SPECC1: variants seen among roughly 807,000 people sequenced by gnomAD.
SPECC1 encodes the protein cytospin-B.
SPECC1 carries 62 observed loss-of-function variants against 104.1 expected under a neutral mutation model. That is an observed-to-expected ratio of 0.60 (90% confidence interval 0.49 to 0.74). The LOEUF (loss-of-function observed/expected upper bound fraction) is 0.74. Among genes scored for constraint, SPECC1 ranks in the 30% least tolerant of loss-of-function variants. The pLI, the probability that SPECC1 is intolerant of heterozygous loss-of-function variation, is 0.00. For missense variants in SPECC1, 1,306 were observed against 1,310.5 expected, an observed-to-expected ratio of 1.00 and a Z score of 0.05; for synonymous variants, 513 against 501.6, an observed-to-expected ratio of 1.02 and a Z score of -0.30.
intron 4 of SPECC1, among the ~76,000 whole-genome samples, chr17:20,215,828 A>G (rs956073724): frequency 6.6e-6 from 1 of 152,198 alleles, no homozygotes; most frequent in Non-Finnish European, 1.5e-5. Context: ...TACAGTCTCT[A>G]TTCTTATGGC....
At chr17:20,240,295 T>G (rs1449844231) in intron 7 of SPECC1, among the ~76,000 whole-genome samples, 1 of 151,916 alleles carries the variant, frequency 6.6e-6, no homozygotes, top group African/African-American at 2.4e-5. Context: ...AACTTTTCCC[T>G]GCTTTTTCAC....
At chr17:20,214,341 ATTTTTC>A (rs745653472) in intron 4 of SPECC1, among the ~76,000 whole-genome samples, 11 of 152,026 alleles carry the variant, frequency 7.2e-5, no homozygotes, top group Non-Finnish European at 1.6e-4. Context: ...GAATTTAGTT[ATTTTTC>A]TTTGGTGGTT....
chr17:20,294,683 G>A (rs926143919), intron 12 of SPECC1, among the ~76,000 whole-genome samples: 1 of 78,674 alleles, frequency 1.3e-5, no homozygotes, highest in African/African-American at 3.7e-5. Context: ...TGGTGGGGAT[G>A]ATGGTCATGG....
At chr17:20,075,183 G>A (rs1029214894) in intron 1 of SPECC1, among the ~76,000 whole-genome samples, 9 of 152,288 alleles carry the variant, frequency 5.9e-5, no homozygotes, top group East Asian at 3.9e-4. Context: ...GATTATAGGC[G>A]TGAGCCCCCA....
At chr17:20,150,306 G>A (rs1212124833) in intron 3 of SPECC1, among the ~76,000 whole-genome samples, 2 of 147,604 alleles carry the variant, frequency 1.4e-5, no homozygotes, top group Non-Finnish European at 1.5e-5. Flanking sequence ...TTTTTGGGAC[G>A]GAGTCTCAGC....
At chr17:20,207,362 G>A (rs2036856241) in intron 4 of SPECC1, among the ~76,000 whole-genome samples, 1 of 152,190 alleles carries the variant, frequency 6.6e-6, no homozygotes. Context: ...AAGTACGGAA[G>A]TAATTCCATT....
intron 1 of SPECC1, chr17:20,067,141 C>G (rs180711427): frequency 7.2e-5 from 11 of 152,120 alleles, no homozygotes; most frequent in African/African-American, 2.6e-4. Context: ...ATTAAAATTT[C>G]CTATCATTCC....
At chr17:20,057,283 T>A (rs548997064) in intron 1 of SPECC1, among the ~76,000 whole-genome samples, 1 of 151,936 alleles carries the variant, frequency 6.6e-6, no homozygotes, top group East Asian at 1.9e-4. Flanking sequence ...CTACTAAAAA[T>A]GCAAAAAAGT....
chr17:20,108,542 T>C (rs1170170762), intron 2 of SPECC1, among the ~76,000 whole-genome samples: 1 of 152,202 alleles, frequency 6.6e-6, no homozygotes, highest in Non-Finnish European at 1.5e-5. Flanking sequence ...CATCATTTGA[T>C]TGTGCAGCTT....
intron 2 of SPECC1, among the ~76,000 whole-genome samples, chr17:20,104,808 C>G (rs971631599): frequency 2.0e-5 from 3 of 149,742 alleles, no homozygotes; most frequent in African/African-American, 7.4e-5. Flanking sequence ...ACTGAGCTAC[C>G]AGATCCAAAC....
intron 1 of SPECC1, among the ~76,000 whole-genome samples, chr17:20,088,682 T>G (rs930707882): frequency 2.4e-4 from 36 of 152,190 alleles, no homozygotes; most frequent in African/African-American, 7.7e-4. Flanking sequence ...TTGGCTACGC[T>G]GCAGGGTAAG....
chr17:20,279,675 T>C (rs1315009705), intron 12 of SPECC1, among the ~76,000 whole-genome samples: 1 of 152,220 alleles, frequency 6.6e-6, no homozygotes, highest in South Asian at 2.1e-4. Context: ...CAAAATTCCT[T>C]ATAATCAATT....
At chr17:20,028,708 C>G (rs2044695566) in intron 1 of SPECC1, among the ~76,000 whole-genome samples, 2 of 150,994 alleles carry the variant, frequency 1.3e-5, no homozygotes, top group East Asian at 3.9e-4. Flanking sequence ...TCTTGCAATT[C>G]CATGTGAATT....
At chr17:20,192,033 C>T (rs1158034114) in intron 3 of SPECC1, among the ~76,000 whole-genome samples, 1 of 152,052 alleles carries the variant, frequency 6.6e-6, no homozygotes, top group African/African-American at 2.4e-5. Flanking sequence ...ACCTCCTGGG[C>T]TCAAGTGATC....
At chr17:20,267,733 C>G (rs1226174803) in intron 12 of SPECC1, among the ~76,000 whole-genome samples, 2 of 152,140 alleles carry the variant, frequency 1.3e-5, no homozygotes. Flanking sequence ...GAGGTCCTGG[C>G]CGTGCCCAGA....
chr17:20,066,563 T>A (rs940092373), intron 1 of SPECC1, among the ~76,000 whole-genome samples: 3 of 152,204 alleles, frequency 2.0e-5, no homozygotes, highest in African/African-American at 7.2e-5. Flanking sequence ...GTTGGTCATC[T>A]TACTCTGTTT....
chr17:20,303,500 G>A (rs2041659575), intron 13 of SPECC1, among the ~76,000 whole-genome samples: 2 of 152,190 alleles, frequency 1.3e-5, no homozygotes, highest in South Asian at 2.1e-4. Context: ...GTGACCTGGT[G>A]CCTAGAGTTT....
Position 20,174,612 on chromosome 17 carries a change from C to G in SPECC1, c.284-29721C>G, listed in dbSNP as rs535827406. ...CAGGTGGTCACATCAGTCTCTCCCCCCCATCAGTCTTGGAGGGGAGTCTGC... is the reference window on the plus strand; with the variant it reads ...CAGGTGGTCACATCAGTCTCTCCCCGCCATCAGTCTTGGAGGGGAGTCTGC... On this transcript the variant is annotated intron_variant, in intron 3 of 14. Coordinates refer to ENST00000395527, the MANE Select transcript of SPECC1 (RefSeq NM_001243439.2). 8.5e-5 allele frequency among the ~76,000 whole-genome samples: 13 copies of G among 152,156 alleles called. 1 individual carries two copies. Among genetic ancestry groups the G allele is most frequent in the Admixed American group, 3.3e-4 (5 of 15,280 alleles).
At chr17:20,071,386 G>T (rs553588105) in intron 1 of SPECC1, among the ~76,000 whole-genome samples, 5 of 52,112 alleles carry the variant, frequency 9.6e-5, no homozygotes, top group African/African-American at 2.7e-4. Context: ...GTGTGTGTTT[G>T]TGTGTGTGTG....
Sources: gnomAD v4.1 joint callset for allele counts (sites outside exome capture counted in the v4.1 genomes callset) on GRCh38, gnomAD v4.1.1 for gene constraint, MANE v1.5 for transcripts, NCBI Gene and HGNC (gene_info 2026-07-23, HGNC 2026-07-21) for gene names.